The following CDC73 variants were observed in gnomAD, a reference collection of about 807,000 sequenced individuals.
CDC73 encodes cell division cycle 73.
A neutral mutation model predicts 83.7 loss-of-function variants in CDC73; 21 were observed. The ratio of observed to expected loss-of-function variants is 0.25; its 90% confidence interval spans 0.18 to 0.36. The LOEUF (loss-of-function observed/expected upper bound fraction) is 0.36, where lower values mean the gene tolerates loss of function less well. Among genes scored for constraint, CDC73 ranks in the 10% least tolerant of loss-of-function variants. CDC73 has a pLI of 1.00. For missense variants in CDC73, 342 were observed against 653.3 expected (o/e 0.52, Z 5.19); for synonymous variants, 224 against 212.9 (o/e 1.05, Z -0.45).
At chr1:193,219,553 A>G (rs1267354237) in intron 13 of CDC73, among the ~76,000 whole-genome samples, 1 of 152,202 alleles carries the variant, frequency 6.6e-6, no homozygotes, top group African/African-American at 2.4e-5. Flanking sequence ...ACGGAATACT[A>G]TGCAGCCATA....
Position 193,142,371 on chromosome 1 carries a change from A to G in CDC73, c.729+305A>G, listed in dbSNP as rs972535567. Among the ~76,000 whole-genome samples the G allele has an allele frequency of 9.8e-5, 15 of 152,300 alleles. 1 individual carries two copies. The highest frequency in any genetic ancestry group is 4.1e-4 in the South Asian group (2 of 4,822). ...TGTTGAGTCATTTTTGCTTAAACCT[A>G]ATAAATGGAATAATATTGATGGCAA... On this transcript the variant is annotated intron_variant, in intron 7 of 16. Coordinates refer to ENST00000367435, the MANE Select transcript of CDC73 (RefSeq NM_024529.5).
At chr1:193,148,511 C>T (rs1406378134) in intron 8 of CDC73, among the ~76,000 whole-genome samples, 3 of 152,050 alleles carry the variant, frequency 2.0e-5, no homozygotes, top group Non-Finnish European at 2.9e-5. Flanking sequence ...ATTCAAACAT[C>T]CTCTAATTTT....
chr1:193,136,346 C>T (rs189303703), intron 5 of CDC73, among the ~76,000 whole-genome samples: 1 of 152,166 alleles, frequency 6.6e-6, no homozygotes, highest in East Asian at 1.9e-4. Context: ...GAGCTGTGAA[C>T]ATGAAGTACT....
At position 193,253,694 on chromosome 1, in the gene CDC73, T is replaced by C. The variant is rs886045732; in HGVS notation, c.*2982T>C. On this transcript the variant is annotated 3_prime_UTR_variant, in exon 17 of 17. Transcript: ENST00000367435. ...ATTCATAATGAGGAAAATCTCATAATTTTTAAGGCAGAAAGAAGTATTAAT... is the reference window on the plus strand; with the variant it reads ...ATTCATAATGAGGAAAATCTCATAACTTTTAAGGCAGAAAGAAGTATTAAT... The C allele has an allele frequency of 8.2e-5, 19 of 231,684 alleles. No homozygotes were observed. The highest frequency in any genetic ancestry group is 1.5e-4 in the Non-Finnish European group (17 of 117,168). The allele number at this position is 231,684 out of a possible 1,614,324, so 14.4% of individuals were successfully genotyped here. A position where few individuals can be genotyped will look rare whatever the true frequency, so the allele number is the denominator to read the frequency against.
chr1:193,152,729 G>A (rs1364825343), intron 10 of CDC73, among the ~76,000 whole-genome samples: 1 of 151,856 alleles, frequency 6.6e-6, no homozygotes, highest in Non-Finnish European at 1.5e-5. Context: ...TAAGTTATGA[G>A]GTCAGTTTGG....
At chr1:193,234,244 AT>A (rs1351016674) in intron 14 of CDC73, among the ~76,000 whole-genome samples, 1 of 27,902 alleles carries the variant, frequency 3.6e-5, no homozygotes, top group African/African-American at 1.5e-4. Context: ...AAATTTATAT[AT>A]TTATTTATAT....
chr1:193,196,894 A>C (rs1012837600), intron 10 of CDC73, among the ~76,000 whole-genome samples: 1 of 152,154 alleles, frequency 6.6e-6, no homozygotes, highest in South Asian at 2.1e-4. Flanking sequence ...ATCTGCAAAC[A>C]TATTTTACCT....
intron 12 of CDC73, 79 bp downstream of exon 12, chr1:193,212,179 C>A: frequency 8.6e-7 from 1 of 1,161,226 alleles, no homozygotes; most frequent in Non-Finnish European, 1.3e-6. Context: ...TTTTCTTGTG[C>A]AGCTGTATCA....
At chr1:193,244,220 G>A (rs1032737465) in intron 15 of CDC73, among the ~76,000 whole-genome samples, 1 of 152,162 alleles carries the variant, frequency 6.6e-6, no homozygotes, top group Non-Finnish European at 1.5e-5. Context: ...TAACCTACCT[G>A]TTTTTAGTAC....
At position 193,251,720 on chromosome 1, in the gene CDC73, T is replaced by C. The variant is rs1678046264; in HGVS notation, c.*1008T>C. 1 of 232,236 alleles carries C rather than the reference T, an allele frequency of 4.3e-6. No homozygotes were observed. Among genetic ancestry groups the C allele is most frequent in the African/African-American group, 2.2e-5 (1 of 45,390 alleles). 14.4% of individuals were successfully genotyped at this position (232,236 alleles called of 1,614,324 possible). A position where few individuals can be genotyped will look rare whatever the true frequency, so the allele number is the denominator to read the frequency against. ...GGTATTTTTATGTCTGTATTCAATA[T>C]GGTATAAAATATAAAAACTATATTT... On this transcript the variant is annotated 3_prime_UTR_variant, in exon 17 of 17. Coordinates refer to ENST00000367435, the MANE Select transcript of CDC73 (RefSeq NM_024529.5).
chr1:193,139,747 T>A (rs1207005749), intron 6 of CDC73, among the ~76,000 whole-genome samples: 1 of 152,222 alleles, frequency 6.6e-6, no homozygotes, highest in Non-Finnish European at 1.5e-5. Flanking sequence ...TTGTTACTTT[T>A]GGGTCTTGAT....
intron 13 of CDC73, among the ~76,000 whole-genome samples, chr1:193,216,405 C>G (rs1376368519): frequency 6.6e-6 from 1 of 152,082 alleles, no homozygotes; most frequent in Non-Finnish European, 1.5e-5. Context: ...AATTGAAATC[C>G]TTAACAGACC....
chr1:193,126,119 A>G (rs1572143436), intron 2 of CDC73, among the ~76,000 whole-genome samples: 1 of 152,160 alleles, frequency 6.6e-6, no homozygotes, highest in African/African-American at 2.4e-5. Flanking sequence ...CCGAAACGCT[A>G]AAAGTATTTA....
intron 15 of CDC73, among the ~76,000 whole-genome samples, chr1:193,249,063 T>G (rs1233058370): frequency 6.6e-6 from 1 of 152,082 alleles, no homozygotes; most frequent in Non-Finnish European, 1.5e-5. Context: ...TAGAGAAATC[T>G]TCTGTGAAAG....
chr1:193,224,324 A>G (rs1054243976), intron 13 of CDC73, among the ~76,000 whole-genome samples: 3 of 141,698 alleles, frequency 2.1e-5, no homozygotes, highest in African/African-American at 5.3e-5. Context: ...TGTTTACTCA[A>G]TGCCATTGTT....
At chr1:193,156,791 G>C (rs1676215002) in intron 10 of CDC73, among the ~76,000 whole-genome samples, 2 of 152,106 alleles carry the variant, frequency 1.3e-5, no homozygotes, top group South Asian at 4.1e-4. Flanking sequence ...CTTAAAAGCT[G>C]TTTTCCTTGG....
chr1:193,200,362 A>G (rs556467735), intron 10 of CDC73, among the ~76,000 whole-genome samples: 17 of 152,222 alleles, frequency 1.1e-4, no homozygotes, highest in Non-Finnish European at 2.1e-4. Context: ...TTGTTTAAGC[A>G]GCACATACTG....
Position 193,162,265 on chromosome 1 carries a change from A to G in CDC73, c.972+9821A>G, listed in dbSNP as rs185322964. Among the ~76,000 whole-genome samples, 151 of 117,510 alleles carry G rather than the reference A, an allele frequency of 1.3e-3. 5 individuals carry two copies. The highest frequency in any genetic ancestry group is 2.0e-3 in the Admixed American group (19 of 9,434). 77.1% of individuals were successfully genotyped at this position (117,510 alleles called of 152,430 possible). ...AATATATAATAAATATAGTATATATAATAGATAATATATAGTATATATGAT... is the reference window on the plus strand; with the variant it reads ...AATATATAATAAATATAGTATATATGATAGATAATATATAGTATATATGAT... On this transcript the variant is annotated intron_variant, in intron 10 of 16. Transcript: ENST00000367435.
chr1:193,158,240 A>T (rs1436975148), intron 10 of CDC73, among the ~76,000 whole-genome samples: 5 of 152,078 alleles, frequency 3.3e-5, no homozygotes, highest in Non-Finnish European at 7.4e-5. Flanking sequence ...TATAGCAGAG[A>T]TCTTTTGCAT....
Sources: allele counts gnomAD v4.1 joint callset (sites outside exome capture counted in the v4.1 genomes callset), GRCh38; gene constraint gnomAD v4.1.1; transcripts MANE v1.5; gene names NCBI Gene and HGNC (gene_info 2026-07-23, HGNC 2026-07-21).